The following VAT1L variants were observed in gnomAD, a reference collection of about 807,000 sequenced individuals.
The protein encoded by VAT1L is vesicle amine transport 1 like.
Under a neutral mutation model 44.1 loss-of-function variants are expected in VAT1L, and 34 were observed. The observed-to-expected ratio is 0.77, with a 90% CI of 0.59 to 1.03. The LOEUF (loss-of-function observed/expected upper bound fraction) is 1.03. Among genes scored for constraint, VAT1L ranks in the 50% least tolerant of loss-of-function variants. VAT1L has a pLI of 0.00. For missense variants in VAT1L, 615 were observed against 538.8 expected (o/e 1.14, Z -1.40); for synonymous variants, 253 against 202.2 (o/e 1.25, Z -2.13).
chr16:77,968,211 A>G (rs909309276), intron 7 of VAT1L, among the ~76,000 whole-genome samples: 2 of 152,230 alleles, frequency 1.3e-5, no homozygotes, highest in South Asian at 2.1e-4. Context: ...CAAGGCTGCA[A>G]TTGGGGTGTT....
intron 8 of VAT1L, among the ~76,000 whole-genome samples, chr16:77,973,334 G>A (rs1035788068): frequency 6.6e-6 from 1 of 152,004 alleles, no homozygotes; most frequent in Non-Finnish European, 1.5e-5. Context: ...ACCCAGGCTG[G>A]AGTGCAATGG....
chr16:77,794,909 A>T (rs1180203092), intron 1 of VAT1L, among the ~76,000 whole-genome samples: 1 of 152,158 alleles, frequency 6.6e-6, no homozygotes, highest in African/African-American at 2.4e-5. Flanking sequence ...GTCCTTGCTG[A>T]TGAGGACTGG....
intron 7 of VAT1L, among the ~76,000 whole-genome samples, chr16:77,925,652 C>T (rs542681688): frequency 6.6e-6 from 1 of 152,294 alleles, no homozygotes; most frequent in East Asian, 1.9e-4. Flanking sequence ...TACAGTTTCC[C>T]TTCCTAAAAT....
chr16:77,805,227 T>C (rs1264431044), intron 1 of VAT1L, among the ~76,000 whole-genome samples: 1 of 152,212 alleles, frequency 6.6e-6, no homozygotes, highest in Non-Finnish European at 1.5e-5. Flanking sequence ...ACAGTGTCCT[T>C]GCTTTGGTCA....
chr16:77,962,567 G>A (rs1391772609), intron 7 of VAT1L, among the ~76,000 whole-genome samples: 7 of 132,730 alleles, frequency 5.3e-5, no homozygotes, highest in Non-Finnish European at 8.3e-5. Context: ...TATCATAGGC[G>A]GGACCATCCT....
intron 3 of VAT1L, among the ~76,000 whole-genome samples, chr16:77,834,282 T>G (rs547977379): frequency 1.3e-5 from 2 of 152,334 alleles, no homozygotes; most frequent in East Asian, 3.9e-4. Context: ...GTAAGGTGTG[T>G]GGCCCTTGCC....
At chr16:77,796,447 G>A (rs970535027) in intron 1 of VAT1L, among the ~76,000 whole-genome samples, 2 of 152,202 alleles carry the variant, frequency 1.3e-5, no homozygotes, top group Non-Finnish European at 2.9e-5. Context: ...AGGAAGCTGG[G>A]ACTCAGGGAT....
At chr16:77,948,020 A>G (rs932933033) in intron 7 of VAT1L, among the ~76,000 whole-genome samples, 2 of 152,172 alleles carry the variant, frequency 1.3e-5, no homozygotes, top group Admixed American at 6.5e-5. Context: ...TGGGCCTCCC[A>G]AAGTGCTGGG....
chr16:77,899,085 G>A (rs941386499), intron 7 of VAT1L, among the ~76,000 whole-genome samples: 15 of 152,198 alleles, frequency 9.9e-5, no homozygotes, highest in Non-Finnish European at 1.9e-4. Context: ...GCACTGTGCT[G>A]AGCACTTTAC....
At position 77,903,843 on chromosome 16, in the gene VAT1L, T is replaced by C. The variant is rs939487783; in HGVS notation, c.1077+19041T>C. On this transcript the variant is annotated intron_variant, in intron 7 of 8. Coordinates refer to ENST00000302536, the MANE Select transcript of VAT1L (RefSeq NM_020927.3). ...GCTCCGCCTCCTGGGTTCATGCCAT[T>C]CTCCTGCCTCAGCCTCCCGAGTAGC... Among the ~76,000 whole-genome samples, 8 of 151,536 alleles carry C rather than the reference T, an allele frequency of 5.3e-5. No homozygotes were observed. The East Asian group carries it at 1.5e-3, about 29-fold the overall frequency.
At chr16:77,912,416 A>G (rs1247148778) in intron 7 of VAT1L, among the ~76,000 whole-genome samples, 1 of 152,132 alleles carries the variant, frequency 6.6e-6, no homozygotes, top group African/African-American at 2.4e-5. Flanking sequence ...GAATGGGGAC[A>G]AGGTGGTTCA....
chr16:77,793,414 C>A (rs907120333), intron 1 of VAT1L, among the ~76,000 whole-genome samples: 2 of 152,178 alleles, frequency 1.3e-5, no homozygotes, highest in Non-Finnish European at 2.9e-5. Flanking sequence ...CAATCATAAA[C>A]TGGAACTGTC....
At chr16:77,899,665 A>C (rs1331991386) in intron 7 of VAT1L, among the ~76,000 whole-genome samples, 28 of 152,248 alleles carry the variant, frequency 1.8e-4, no homozygotes, top group Admixed American at 1.8e-3. Context: ...TTTGCTCAAC[A>C]GACACCAACT....
chr16:77,827,317 TG>T (rs2016533349), intron 3 of VAT1L, among the ~76,000 whole-genome samples: 1 of 152,250 alleles, frequency 6.6e-6, no homozygotes, highest in East Asian at 1.9e-4. Context: ...ACAATGACGC[TG>T]GACTCAGTTC....
At chr16:77,948,029 G>A (rs1219388186) in intron 7 of VAT1L, among the ~76,000 whole-genome samples, 1 of 152,112 alleles carries the variant, frequency 6.6e-6, no homozygotes. Flanking sequence ...CAAAGTGCTG[G>A]GATTACAGGT....
chr16:77,847,388 T>C (rs1386796295), intron 3 of VAT1L, among the ~76,000 whole-genome samples: 1 of 152,158 alleles, frequency 6.6e-6, no homozygotes, highest in Non-Finnish European at 1.5e-5. Flanking sequence ...GCTTCTGACG[T>C]ATAAACCTGT....
Position 77,884,087 on chromosome 16 carries a change from C to T in VAT1L, c.883-521C>T, listed in dbSNP as rs1200817294. ...GTAGTTAGTTTTGGGCTCTCTCTCC[C>T]ACTTAGACCTGAGCGTCTCATAAGC... On this transcript the variant is annotated intron_variant, in intron 6 of 8. Transcript: ENST00000302536. The surrounding 1 kb of genome is among the most constrained non-coding windows in gnomAD (Gnocchi z 4.5). Among the ~76,000 whole-genome samples, 1 of 152,204 alleles carries T rather than the reference C, an allele frequency of 6.6e-6. No individual in the cohort carries two copies. Among genetic ancestry groups the T allele is most frequent in the Non-Finnish European group, 1.5e-5 (1 of 68,040 alleles).
intron 1 of VAT1L, among the ~76,000 whole-genome samples, chr16:77,792,623 A>G (rs2015854863): frequency 6.6e-6 from 1 of 152,042 alleles, no homozygotes; most frequent in East Asian, 1.9e-4. Flanking sequence ...AGTGGCTTCT[A>G]TCTGACTGAG....
At chr16:77,955,344 G>A (rs547473895) in intron 7 of VAT1L, among the ~76,000 whole-genome samples, 7 of 152,304 alleles carry the variant, frequency 4.6e-5, no homozygotes, top group African/African-American at 9.6e-5. Flanking sequence ...GGATGCTGAC[G>A]AACATCCTGC....
Sources: allele counts gnomAD v4.1 joint callset (sites outside exome capture counted in the v4.1 genomes callset), GRCh38; gene constraint gnomAD v4.1.1; non-coding constraint Gnocchi (gnomAD v3.1); transcripts MANE v1.5; gene names NCBI Gene and HGNC (gene_info 2026-07-23, HGNC 2026-07-21).